The following ITGB1 variants were observed in gnomAD, a reference collection of about 807,000 sequenced individuals.
ITGB1 encodes integrin subunit beta 1, also known as integrin beta-1.
A neutral mutation model predicts 86.5 loss-of-function variants in ITGB1; 24 were observed. That is an observed-to-expected ratio of 0.28 (90% CI 0.20 to 0.39). The LOEUF (loss-of-function observed/expected upper bound fraction) is 0.39, where lower values mean the gene tolerates loss of function less well. ITGB1 is among the 10% of genes least tolerant of loss of function. The pLI is 1.00. For synonymous variants in ITGB1, 323 were observed against 316.8 expected, an observed-to-expected ratio of 1.02 and a Z score of -0.21; for missense variants, 556 against 946.9, an observed-to-expected ratio of 0.59 and a Z score of 5.42.
chr10:32,923,811 T>C (rs1565824914), intron 6 of ITGB1, 71 bp from the exon 7 acceptor site: 3 of 1,235,666 alleles, frequency 2.4e-6, no homozygotes, highest in Non-Finnish European at 3.4e-6. Context: ...TTAATTTTCA[T>C]ATAGGCCACC....
chr10:32,924,566 T>A (rs1442755096), intron 6 of ITGB1, among the ~76,000 whole-genome samples: 2 of 152,166 alleles, frequency 1.3e-5, no homozygotes, highest in African/African-American at 4.8e-5. Context: ...TGGATCAGCA[T>A]GACCAACACA....
chr10:32,926,920 T>C (rs112618778), intron 5 of ITGB1, among the ~76,000 whole-genome samples: 478 of 149,918 alleles, frequency 3.2e-3, no homozygotes, highest in Non-Finnish European at 5.8e-3. Context: ...GAGAAATAAA[T>C]TTCTGTTGTT....
Position 32,923,754 on chromosome 10 carries a change from G to T in ITGB1, c.787-14C>A. ...GCCAATCAGTGACTTGAAAAGAAAA[G>T]GATTTCAATTTTAAAACACTATTCA... On this transcript the variant is annotated splice_polypyrimidine_tract_variant and intron_variant, in intron 6 of 15. Transcript: ENST00000302278. The T allele has an allele frequency of 6.2e-7, 1 of 1,600,342 alleles. No homozygotes were observed. The highest frequency in any genetic ancestry group is 8.5e-7 in the Non-Finnish European group (1 of 1,173,760).
Position 32,912,010 on chromosome 10 carries a change from A to G in ITGB1, c.1584T>C (p.Asn528=). The change falls in exon 12 of 16, where the codon AAT becomes AAC. Residue 528 remains asparagine (N), a synonymous_variant. Coordinates refer to ENST00000302278, the MANE Select transcript of ITGB1 (RefSeq NM_002211.4). ...CACACTGTCCGCAGACGCACTCTCC[A>G]TTGTTACTGCAGATTTCTGAACTGT... ...KENSSEICSN[N]GECVCGQCVC... The G allele has an allele frequency of 1.9e-6, 3 of 1,614,144 alleles. No individual in the cohort carries two copies. Among genetic ancestry groups the G allele is most frequent in the East Asian group, 2.2e-5 (1 of 44,884 alleles).
Position 32,922,736 on chromosome 10 carries a change from C to T in ITGB1, c.943-1G>A. 6.5e-7 allele frequency: 1 copy of T among 1,532,474 alleles called. No individual in the cohort carries two copies. Among genetic ancestry groups the T allele is most frequent in the Non-Finnish European group, 9.0e-7 (1 of 1,113,020 alleles). 94.9% of individuals were successfully genotyped at this position (1,532,474 alleles called of 1,614,324 possible). On this transcript the variant is annotated splice_acceptor_variant, in intron 7 of 15. Transcript: ENST00000302278. LOFTEE classifies it high-confidence loss of function. ...CAAGGTGAGCAATAGAAGGATAATCCTAAGAAATCAAGTAATATAATTTAG... is the reference window on the plus strand; with the variant it reads ...CAAGGTGAGCAATAGAAGGATAATCTTAAGAAATCAAGTAATATAATTTAG...
At chr10:32,953,570 A>C (rs1446529301) in intron 1 of ITGB1, 3 of 150,824 alleles carry the variant, frequency 2.0e-5, no homozygotes, top group Middle Eastern at 7.0e-3. Flanking sequence ...TTGCTCATGG[A>C]GAGAGAACTG....
At chr10:32,923,367 A>T (rs1175109575) in intron 7 of ITGB1, among the ~76,000 whole-genome samples, 2 of 152,168 alleles carry the variant, frequency 1.3e-5, no homozygotes, top group Admixed American at 1.3e-4. Flanking sequence ...TTCCCACCCC[A>T]GTGAGGCCCT....
chr10:32,915,416 T>C (rs1483783746), intron 11 of ITGB1, among the ~76,000 whole-genome samples: 1 of 152,086 alleles, frequency 6.6e-6, no homozygotes, highest in Admixed American at 6.5e-5. Flanking sequence ...GACAGACCGC[T>C]AGCAAGACTA....
chr10:32,915,040 C>A (rs1452203232), intron 11 of ITGB1, among the ~76,000 whole-genome samples: 1 of 152,186 alleles, frequency 6.6e-6, no homozygotes, highest in Non-Finnish European at 1.5e-5. Context: ...TGCATGGAAA[C>A]TAAATGACCT....
rs1300948290 is a variant in ITGB1 at position 32,920,343 on chromosome 10, C to T, written c.1171G>A (p.Glu391Lys). 6.2e-7 allele frequency: 1 copy of T among 1,612,964 alleles called. No homozygotes were observed. The highest frequency in any genetic ancestry group is 8.5e-7 in the Non-Finnish European group (1 of 1,179,240). Residue 391 changes from glutamate (E) to lysine (K), a missense_variant, in exon 10 of 16, where the codon GAA becomes AAA. This residue lies in a region of ITGB1 where 330 missense variants were observed against 531.5 expected (regional missense o/e 0.62). Transcript: ENST00000302278. ...EVILENGKLS[E>K]GVTISYKSYC... ...GATTTGTAACTTATTGTTACGCCTT[C>T]TGACAATTTGCCGTTTTCCAAAATG...
rs75025173 is a variant in ITGB1, at chr10:32,932,333, C to T, written c.153+182G>A. On this transcript the variant is annotated intron_variant, in intron 3 of 15. Coordinates refer to ENST00000302278, the MANE Select transcript of ITGB1 (RefSeq NM_002211.4). ...AAACTTAGAGCAATTCTAATTTGTA[C>T]AAAAGTGCTCAATAGCCACATCTGC... 2.0e-3 allele frequency among the ~76,000 whole-genome samples: 306 copies of T among 152,218 alleles called. 5 individuals carry two copies. In the East Asian group the frequency reaches 0.046, roughly 23 times the overall value.
chr10:32,944,542 T>C (rs1223992662), intron 1 of ITGB1: 2 of 447,188 alleles, frequency 4.5e-6, no homozygotes, highest in East Asian at 6.0e-5. Flanking sequence ...CAGAAATTAA[T>C]GTGTTAGCTA....
chr10:32,937,027 A>G (rs934045408), intron 1 of ITGB1, among the ~76,000 whole-genome samples: 1 of 152,202 alleles, frequency 6.6e-6, no homozygotes, highest in Non-Finnish European at 1.5e-5. Context: ...TTGACAATTT[A>G]TATCAAAAAC....
intron 1 of ITGB1, among the ~76,000 whole-genome samples, chr10:32,945,835 C>G (rs887466758): frequency 6.6e-6 from 1 of 152,108 alleles, no homozygotes; most frequent in African/African-American, 2.4e-5. Context: ...AATATATAAG[C>G]TAACCATATA....
chr10:32,908,191 A>G lies in ITGB1; in HGVS notation c.2331+177T>C, dbSNP rs367855113. ...AATCAATGTTTTGTTTCAATGGGAT[A>G]TATTTAGGATGCTTTCTGTTTTTCA... On this transcript the variant is annotated intron_variant, in intron 15 of 15. Coordinates refer to ENST00000302278, the MANE Select transcript of ITGB1 (RefSeq NM_002211.4). The G allele has an allele frequency of 8.9e-4, 554 of 623,668 alleles. 3 individuals are homozygous for G. The highest frequency in any genetic ancestry group is 4.8e-3 in the African/African-American group (263 of 54,264). The allele number at this position is 623,668 out of a possible 1,614,324, so 38.6% of individuals were successfully genotyped here.
intron 11 of ITGB1, among the ~76,000 whole-genome samples, chr10:32,915,238 A>C (rs2094927887): frequency 6.6e-6 from 1 of 152,220 alleles, no homozygotes; most frequent in Non-Finnish European, 1.5e-5. Context: ...GGACACCCTA[A>C]CATCACAATT....
chr10:32,945,771 T>C (rs1180105865), intron 1 of ITGB1, among the ~76,000 whole-genome samples: 1 of 152,156 alleles, frequency 6.6e-6, no homozygotes, highest in East Asian at 1.9e-4. Flanking sequence ...AAAAAGCAAC[T>C]GGATTCACAG....
rs200931440 is a variant in ITGB1 at position 32,900,395 on chromosome 10, G to A, written c.*1175C>T. 5.2e-5 allele frequency: 8 copies of A among 152,482 alleles called. No individual in the cohort carries two copies. The highest frequency in any genetic ancestry group is 8.8e-5 in the Non-Finnish European group (6 of 67,988). The allele number at this position is 152,482 out of a possible 1,614,324, so 9.4% of individuals were successfully genotyped here. On this transcript the variant is annotated 3_prime_UTR_variant, in exon 16 of 16. Transcript: ENST00000302278. Reference sequence around the variant, plus strand: ...AAAATACATCAGAGTCAAGACATCCGATTTAAGTATTTTAGGCATATTTAA... The same window carrying A: ...AAAATACATCAGAGTCAAGACATCCAATTTAAGTATTTTAGGCATATTTAA...
chr10:32,908,092 A>T (rs969649089), intron 15 of ITGB1, among the ~76,000 whole-genome samples: 3 of 152,222 alleles, frequency 2.0e-5, no homozygotes, highest in Non-Finnish European at 4.4e-5. Context: ...CATTAGATGA[A>T]AAGGCAGATT....
Sources: allele counts gnomAD v4.1 joint callset (sites outside exome capture counted in the v4.1 genomes callset), GRCh38; gene constraint gnomAD v4.1.1; regional missense constraint gnomAD v4.1.1; transcripts MANE v1.5; gene names NCBI Gene and HGNC (gene_info 2026-07-23, HGNC 2026-07-21).